TRPC5: variants seen among roughly 807,000 people sequenced by gnomAD.
TRPC5 encodes short transient receptor potential channel 5.
In TRPC5, 9 loss-of-function variants were observed where a neutral mutation model predicts 56.5. That is an observed-to-expected ratio of 0.16 (90% CI 0.10 to 0.28). TRPC5 has a LOEUF of 0.28. Among genes scored for constraint, TRPC5 ranks in the 10% least tolerant of loss-of-function variants. The pLI, the probability that TRPC5 is intolerant of heterozygous loss-of-function variation, is 1.00. For missense variants in TRPC5, 469 were observed against 748.9 expected (o/e 0.63, Z 4.36); for synonymous variants, 282 against 278.5 (o/e 1.01, Z -0.13).
chrX:111,976,624 A>C (rs1300936304), intron 1 of TRPC5, among the ~76,000 whole-genome samples: 1 of 111,172 alleles, frequency 9.0e-6, no homozygotes, highest in African/African-American at 3.3e-5. Flanking sequence ...TAGTACTGAA[A>C]GTTCTACCCA....
chrX:111,837,538 A>C (rs550204044), intron 6 of TRPC5, among the ~76,000 whole-genome samples: 6 of 111,936 alleles, frequency 5.4e-5, no homozygotes, highest in East Asian at 5.6e-4. Context: ...CACAGAATGC[A>C]TTCAGTAAGT....
At chrX:111,857,973 G>A (rs760978345) in intron 3 of TRPC5, among the ~76,000 whole-genome samples, 1 of 112,375 alleles carries the variant, frequency 8.9e-6, no homozygotes, top group Non-Finnish European at 1.9e-5. Flanking sequence ...TATCTTCAAT[G>A]CCTCTGCTCT....
At chrX:111,866,163 T>A (rs1923545846) in intron 3 of TRPC5, among the ~76,000 whole-genome samples, 1 of 113,776 alleles carries the variant, frequency 8.8e-6, no homozygotes. Flanking sequence ...TGCAGAAAGC[T>A]AAATTTCCCA....
intron 1 of TRPC5, among the ~76,000 whole-genome samples, chrX:112,028,479 T>C (rs1053664858): frequency 3.6e-5 from 4 of 111,182 alleles, no homozygotes; most frequent in Admixed American, 2.9e-4. Context: ...CCTGTGTCCA[T>C]GTGTTCTCAT....
At chrX:111,782,803 AT>A (rs1462278430) in intron 7 of TRPC5, among the ~76,000 whole-genome samples, 1 of 69,217 alleles carries the variant, frequency 1.4e-5, no homozygotes, top group East Asian at 5.5e-4. Context: ...AATCATTATA[AT>A]CAACACACAC....
At chrX:111,811,463 C>T (rs1488902377) in intron 7 of TRPC5, among the ~76,000 whole-genome samples, 8 of 112,629 alleles carry the variant, frequency 7.1e-5, no homozygotes, top group Non-Finnish European at 1.5e-4. Context: ...CTATAATAAA[C>T]TCTCACTGTC....
chrX:111,912,109 C>T (rs1444122743), intron 3 of TRPC5, among the ~76,000 whole-genome samples, 182 bp downstream of exon 3: 2 of 112,006 alleles, frequency 1.8e-5, no homozygotes, highest in Non-Finnish European at 3.8e-5. Context: ...GGTTACTTAT[C>T]TGGCCATAAA....
At position 111,884,696 on chromosome X, in the gene TRPC5, G is replaced by A. The variant is rs139682578; in HGVS notation, c.900+27595C>T. Among the ~76,000 whole-genome samples the A allele has an allele frequency of 8.0e-5, 9 of 112,978 alleles. No individual in the cohort carries two copies. The South Asian group carries it at 2.2e-3, about 27-fold the overall frequency. ...AGCTAGTTAACACAATTAAGGCCTCGTCAGCCCAGTTAAAGACTAGCAAGG... is the reference window on the plus strand; with the variant it reads ...AGCTAGTTAACACAATTAAGGCCTCATCAGCCCAGTTAAAGACTAGCAAGG... On this transcript the variant is annotated intron_variant, in intron 3 of 10. Coordinates refer to ENST00000262839, the MANE Select transcript of TRPC5 (RefSeq NM_012471.3).
intron 7 of TRPC5, among the ~76,000 whole-genome samples, chrX:111,816,635 T>C (rs748218044): frequency 3.2e-4 from 36 of 112,135 alleles, no homozygotes; most frequent in Non-Finnish European, 6.0e-4. Context: ...TTCTCTGTAG[T>C]CATCTTGTCA....
intron 1 of TRPC5, among the ~76,000 whole-genome samples, chrX:111,994,340 G>A (rs1240342399): frequency 9.0e-6 from 1 of 111,693 alleles, no homozygotes; most frequent in African/African-American, 3.3e-5. Flanking sequence ...GTAGTGTGAT[G>A]CCTCCAGCTT....
intron 3 of TRPC5, among the ~76,000 whole-genome samples, chrX:111,884,924 A>T (rs901585190): frequency 1.8e-5 from 2 of 112,467 alleles, no homozygotes; most frequent in Non-Finnish European, 3.8e-5. Context: ...ACTTTAGTTA[A>T]GTTCTAGCCA....
At chrX:111,784,077 T>C (rs1313806736) in intron 7 of TRPC5, among the ~76,000 whole-genome samples, 2 of 111,787 alleles carry the variant, frequency 1.8e-5, no homozygotes, top group East Asian at 5.6e-4. Context: ...CAGTGGGGCA[T>C]GCTGGACTAC....
chrX:111,942,275 T>C (rs779231177), intron 2 of TRPC5, among the ~76,000 whole-genome samples: 45 of 112,440 alleles, frequency 4.0e-4, no homozygotes, highest in African/African-American at 1.4e-3. Flanking sequence ...AACTGGATAT[T>C]TCAATTTGAT....
At position 111,773,386 on chromosome X, in the gene TRPC5, C is replaced by A. The variant is rs1187943214; in HGVS notation, c.*2927G>T. Among the ~76,000 whole-genome samples, 1 of 111,333 alleles carries A rather than the reference C, an allele frequency of 9.0e-6. No homozygotes were observed. The highest frequency in any genetic ancestry group is 1.9e-5 in the Non-Finnish European group (1 of 53,007). On this transcript the variant is annotated 3_prime_UTR_variant, in exon 11 of 11. Coordinates refer to ENST00000262839, the MANE Select transcript of TRPC5 (RefSeq NM_012471.3). ...GATCAAATAAATGAATCCAAGGTGT[C>A]CGGAAGTGATAAGCCAACTGTAATG...
At chrX:111,948,265 G>T (rs956738156) in intron 2 of TRPC5, among the ~76,000 whole-genome samples, 2 of 111,479 alleles carry the variant, frequency 1.8e-5, no homozygotes, top group African/African-American at 6.5e-5. Context: ...TGACTTGAGG[G>T]GTGTTTAGAA....
intron 2 of TRPC5, among the ~76,000 whole-genome samples, chrX:111,913,063 C>T (rs1425205431): frequency 1.8e-5 from 2 of 111,446 alleles, no homozygotes; most frequent in Admixed American, 1.9e-4. Flanking sequence ...AAATATTCTT[C>T]CCATATGAAG....
intron 1 of TRPC5, among the ~76,000 whole-genome samples, chrX:112,036,935 AT>A (rs1929758143): frequency 9.0e-6 from 1 of 111,402 alleles, no homozygotes; most frequent in South Asian, 3.9e-4. Flanking sequence ...ACTCATGGGT[AT>A]TTGACTGTTG....
intron 7 of TRPC5, among the ~76,000 whole-genome samples, chrX:111,784,868 AG>A (rs35318486): frequency 8.9e-6 from 1 of 111,995 alleles, no homozygotes; most frequent in Non-Finnish European, 1.9e-5. Context: ...TGGCTGGGGG[AG>A]GGGGGTCCAC....
intron 6 of TRPC5, among the ~76,000 whole-genome samples, chrX:111,846,729 G>A (rs1269235758): frequency 1.8e-5 from 2 of 112,187 alleles, no homozygotes; most frequent in Non-Finnish European, 3.8e-5. Context: ...GTAGCCACTC[G>A]TTCAGAGGAA....
Sources: allele counts gnomAD v4.1 joint callset (sites outside exome capture counted in the v4.1 genomes callset), GRCh38; gene constraint gnomAD v4.1.1; transcripts MANE v1.5; gene names NCBI Gene and HGNC (gene_info 2026-07-23, HGNC 2026-07-21).